Variants in HAVCR1 observed in about 807,000 individuals in gnomAD.
HAVCR1 encodes the protein hepatitis A virus cellular receptor 1.
Under a neutral mutation model 32.0 loss-of-function variants are expected in HAVCR1, and 34 were observed. The ratio of observed to expected loss-of-function variants is 1.06; its 90% CI spans 0.81 to 1.42. The LOEUF is 1.42. Among genes scored for constraint, HAVCR1 ranks in the 40% most tolerant of loss-of-function variants. HAVCR1 has a pLI of 0.00. For synonymous variants in HAVCR1, 178 were observed against 170.3 expected (o/e 1.05, Z -0.35); for missense variants, 420 against 442.3 (o/e 0.95, Z 0.45).
chr5:157,057,059 A>G (rs1327859919), intron 2 of HAVCR1, among the ~76,000 whole-genome samples: 2 of 152,004 alleles, frequency 1.3e-5, no homozygotes, highest in Non-Finnish European at 2.9e-5. Flanking sequence ...ACTCACGCCT[A>G]TAATTCCAGC....
At chr5:157,049,290 C>A (rs1755605281) in intron 4 of HAVCR1, 145 bp from the exon 5 acceptor site, 9 of 650,216 alleles carry the variant, frequency 1.4e-5, no homozygotes, top group Non-Finnish European at 2.5e-5. Flanking sequence ...GCATGCAGGG[C>A]TTCTACCGAC....
At chr5:157,057,386 G>GGAAAGAAAGAAAGAAA (rs544010943) in intron 2 of HAVCR1, among the ~76,000 whole-genome samples, 2 of 79,442 alleles carry the variant, frequency 2.5e-5, no homozygotes, top group African/African-American at 5.8e-5. Context: ...GAGAGAGAGA[G>GGAAAGAAAGAAAGAAA]GAAAGAAAGA....
chr5:157,042,741 G>T, intron 5 of HAVCR1, 59 bp from the exon 6 acceptor site: 2 of 994,720 alleles, frequency 2.0e-6, no homozygotes, highest in Non-Finnish European at 3.2e-6. Context: ...TTTCACTGCA[G>T]ACACTAAATA....
chr5:157,060,412 A>C (rs994566531), upstream of HAVCR1, among the ~76,000 whole-genome samples: 1 of 151,778 alleles, frequency 6.6e-6, no homozygotes, highest in Non-Finnish European at 1.5e-5. Flanking sequence ...TTCTCCATCT[A>C]GCTCCCCAGC....
At chr5:157,042,528 C>T in intron 6 of HAVCR1, 99 bp downstream of exon 6, 1 of 613,510 alleles carries the variant, frequency 1.6e-6, no homozygotes. Flanking sequence ...AAAAAAAATT[C>T]TGTGGGCTAG....
At chr5:157,039,221 T>C (rs924028982) in intron 6 of HAVCR1, among the ~76,000 whole-genome samples, 3 of 152,238 alleles carry the variant, frequency 2.0e-5, no homozygotes, top group Non-Finnish European at 4.4e-5. Flanking sequence ...GATTTTTTCT[T>C]AACAGAAATA....
In HAVCR1 at chr5:157,057,382, G is replaced by GGAA. The variant is rs1756227165; in HGVS notation, c.46+515_46+516insTTC. Among the ~76,000 whole-genome samples the GGAA allele has an allele frequency of 1.9e-4, 26 of 133,914 alleles. 1 individual carries two copies. The highest frequency in any genetic ancestry group is 4.3e-4 in the African/African-American group (15 of 34,730). 87.9% of individuals were successfully genotyped at this position (133,914 alleles called of 152,430 possible). ...TCATGAAGAGAGAGAGAGAGAGAGA[G>GGAA]AGAGGAAAGAAAGAAAGAAAGAAAG... On this transcript the variant is annotated intron_variant, in intron 2 of 8. Transcript: ENST00000523175.
At chr5:157,066,781 A>T in the HAVCR1 span, among the ~76,000 whole-genome samples, 1 of 152,098 alleles carries the variant, frequency 6.6e-6, no homozygotes, top group African/African-American at 2.4e-5. Context: ...GTGAAAAAGG[A>T]AACAGTTAAA....
intron 5 of HAVCR1, among the ~76,000 whole-genome samples, chr5:157,043,603 G>A (rs1179862177): frequency 2.0e-5 from 3 of 152,204 alleles, no homozygotes; most frequent in Non-Finnish European, 2.9e-5. Context: ...TGGAGGCAGA[G>A]GTTTCGGTGA....
chr5:157,040,651 C>T (rs1754833147), intron 6 of HAVCR1, among the ~76,000 whole-genome samples: 1 of 152,162 alleles, frequency 6.6e-6, no homozygotes, highest in Non-Finnish European at 1.5e-5. Flanking sequence ...GTAATCCCAG[C>T]ACTTGTGGGA....
At chr5:157,064,660 A>G in the HAVCR1 span, among the ~76,000 whole-genome samples, 1 of 152,280 alleles carries the variant, frequency 6.6e-6, no homozygotes, top group East Asian at 1.9e-4. Flanking sequence ...TGAGGTCAGG[A>G]GTTCAAGACC....
intron 8 of HAVCR1, among the ~76,000 whole-genome samples, chr5:157,031,792 C>T (rs1434845107): frequency 1.5e-4 from 9 of 58,464 alleles, no homozygotes; most frequent in Non-Finnish European, 2.4e-4. Flanking sequence ...GCCTGGGTGT[C>T]TCAAAAAAAA....
At chr5:157,065,929 G>A in the HAVCR1 span, among the ~76,000 whole-genome samples, 2 of 151,570 alleles carry the variant, frequency 1.3e-5, no homozygotes, top group Non-Finnish European at 2.9e-5. Flanking sequence ...GGTGGCGGGC[G>A]CCTATAGTCC....
chr5:157,035,120 G>T (rs1754450579), intron 7 of HAVCR1, among the ~76,000 whole-genome samples: 1 of 151,878 alleles, frequency 6.6e-6, no homozygotes, highest in Non-Finnish European at 1.5e-5. Context: ...ATTTTGTGTG[G>T]CTTCTGTACA....
chr5:157,040,998 T>C (rs952465201), intron 6 of HAVCR1, among the ~76,000 whole-genome samples: 55 of 152,322 alleles, frequency 3.6e-4, no homozygotes, highest in African/African-American at 1.1e-3. Flanking sequence ...AAAAAGTTAC[T>C]TGCACATACT....
chr5:157,037,274 C>A lies in HAVCR1; in HGVS notation c.925G>T (p.Ala309Ser), dbSNP rs1247780811. ...TTGGCAATGATGACACCCAAAAGAGCAAGAAGCACCAAGACAGAAATACAG... is the reference window on the plus strand; with the variant it reads ...TTGGCAATGATGACACCCAAAAGAGAAAGAAGCACCAAGACAGAAATACAG... ...GVCISVLVLL[A>S]LLGVIIAKKY... is the part of the protein sequence containing the mutation. The change falls in exon 7 of 9, where the codon GCT becomes TCT. Residue 309 changes from alanine (A) to serine (S), a missense_variant. Ala to Ser is a moderately conservative substitution (Grantham distance 99). Coordinates refer to ENST00000523175, the MANE Select transcript of HAVCR1 (RefSeq NM_001173393.3). The A allele has an allele frequency of 6.3e-7, 1 of 1,598,562 alleles. No homozygotes were observed.
the HAVCR1 span, among the ~76,000 whole-genome samples, chr5:157,066,598 C>T: frequency 6.7e-6 from 1 of 148,610 alleles, no homozygotes; most frequent in African/African-American, 2.5e-5. Flanking sequence ...TTTGTATGAT[C>T]TGGAGACAAT....
Position 157,032,872 on chromosome 5 carries a change from T to C in HAVCR1, c.968A>G (p.Lys323Arg), listed in dbSNP as rs1402902391. The C allele has an allele frequency of 1.3e-6, 2 of 1,578,036 alleles. No homozygotes were observed. Among genetic ancestry groups the C allele is most frequent in the Non-Finnish European group, 1.7e-6 (2 of 1,151,556 alleles). ...AGCTTACCTTAGTTGTTGAACCTCC[T>C]TTTTGAAGAAATACTCTAAATTGAA... is the stretch of plus-strand genomic sequence containing the variant. Reference protein sequence around the residue: ...VIIAKKYFFKKEVQQLSVSFS... With the variant: ...VIIAKKYFFKREVQQLSVSFS... The change falls in exon 8 of 9, where the codon AAG (lysine) becomes AGG (arginine). Residue 323 changes from lysine to arginine, a missense_variant. Transcript: ENST00000523175.
intron 7 of HAVCR1, 109 bp from the exon 8 acceptor site, chr5:157,032,996 T>A: frequency 1.4e-6 from 1 of 699,994 alleles, no homozygotes; most frequent in Non-Finnish European, 2.4e-6. Context: ...TTACTTAGAT[T>A]TTTCCCTGGT....
Sources: allele counts gnomAD v4.1 joint callset (sites outside exome capture counted in the v4.1 genomes callset), GRCh38; gene constraint gnomAD v4.1.1; transcripts MANE v1.5; gene names NCBI Gene and HGNC (gene_info 2026-07-23, HGNC 2026-07-21).